ARID1B: variants seen among roughly 807,000 people sequenced by gnomAD.
The protein encoded by ARID1B is AT-rich interactive domain-containing protein 1B.
A neutral mutation model predicts 212.3 loss-of-function variants in ARID1B; 30 were observed. The ratio of observed to expected loss-of-function variants is 0.14; its 90% CI spans 0.11 to 0.19. The LOEUF (loss-of-function observed/expected upper bound fraction) is 0.19, where lower values mean the gene tolerates loss of function less well. Among genes scored for constraint, ARID1B ranks in the 10% least tolerant of loss-of-function variants. ARID1B has a pLI of 1.00. For synonymous variants in ARID1B, 1,402 were observed against 1,301.7 expected, an observed-to-expected ratio of 1.08 and a Z score of -1.66; for missense variants, 2,891 against 3,204.0, an observed-to-expected ratio of 0.90 and a Z score of 2.36.
At chr6:156,987,371 C>T (rs541312912) in intron 4 of ARID1B, among the ~76,000 whole-genome samples, 2 of 149,414 alleles carry the variant, frequency 1.3e-5, no homozygotes, top group South Asian at 4.2e-4. Flanking sequence ...TGCTCTGTCT[C>T]CCAGGCTGGA....
intron 3 of ARID1B, among the ~76,000 whole-genome samples, chr6:156,913,129 C>CT (rs1790035968): frequency 2.0e-5 from 3 of 149,910 alleles, no homozygotes; most frequent in African/African-American, 7.3e-5. Context: ...AGAGTGAGTA[C>CT]ATCTAGCTAA....
At chr6:157,018,571 T>C (rs1583155821) in intron 4 of ARID1B, among the ~76,000 whole-genome samples, 1 of 152,210 alleles carries the variant, frequency 6.6e-6, no homozygotes, top group South Asian at 2.1e-4. Flanking sequence ...TCAAAAATTA[T>C]TACCCATCTA....
rs2128357367 is a variant in ARID1B at position 157,196,291 on chromosome 6, C to T, written c.4358C>T (p.Pro1453Leu). ...NLGMGQRQQFPYGASYDRRHE... is the reference protein window; with the variant it reads ...NLGMGQRQQFLYGASYDRRHE... Reference sequence around the variant, plus strand: ...GGCATGGGGCAGCGCCAGCAGTTTCCCTATGGAGCCAGTTACGACCGAAGG... The same window carrying T: ...GGCATGGGGCAGCGCCAGCAGTTTCTCTATGGAGCCAGTTACGACCGAAGG... Residue 1453 changes from proline (P) to leucine (L), a missense_variant, in exon 16 of 20, where the codon CCC (proline) becomes CTC (leucine). By Grantham distance (98) the Pro-to-Leu change is moderately conservative. Around this residue, in one of 7 missense-constraint regions of ARID1B, gnomAD observed 666 missense variants for 873.5 expected, o/e 0.76. Transcript: ENST00000636930. 1 of 1,597,942 alleles carries T rather than the reference C, an allele frequency of 6.3e-7. No individual in the cohort carries two copies. The highest frequency in any genetic ancestry group is 8.5e-7 in the Non-Finnish European group (1 of 1,176,358).
chr6:157,164,198 T>C (rs558433879), intron 8 of ARID1B, among the ~76,000 whole-genome samples: 1 of 152,362 alleles, frequency 6.6e-6, no homozygotes, highest in South Asian at 2.1e-4. Flanking sequence ...GACCCCTGGC[T>C]TTTTAACCAA....
At chr6:156,874,595 C>G (rs565211477) in intron 2 of ARID1B, among the ~76,000 whole-genome samples, 1 of 152,312 alleles carries the variant, frequency 6.6e-6, no homozygotes, top group South Asian at 2.1e-4. Context: ...TGTGGCCTCT[C>G]TTTTGCATGG....
At chr6:156,811,027 C>A (rs985397697) in intron 1 of ARID1B, among the ~76,000 whole-genome samples, 1 of 152,112 alleles carries the variant, frequency 6.6e-6, no homozygotes, top group South Asian at 2.1e-4. Context: ...AGAGGCTTGA[C>A]TGGGGAAGGC....
intron 4 of ARID1B, among the ~76,000 whole-genome samples, chr6:157,081,170 T>G (rs567055924): frequency 6.6e-6 from 1 of 152,332 alleles, no homozygotes; most frequent in Non-Finnish European, 1.5e-5. Context: ...CCTGCCAGCT[T>G]TCCAGCAAGA....
chr6:156,854,278 G>A (rs578196007), intron 2 of ARID1B, among the ~76,000 whole-genome samples: 54 of 152,270 alleles, frequency 3.5e-4, no homozygotes, highest in African/African-American at 6.3e-4. Context: ...AGGAACGAAC[G>A]GAATTGCCAG....
chr6:156,872,196 A>C (rs1005479069), intron 2 of ARID1B, among the ~76,000 whole-genome samples: 1 of 152,192 alleles, frequency 6.6e-6, no homozygotes, highest in African/African-American at 2.4e-5. Flanking sequence ...AAGAATTGGG[A>C]TTAGTCGATG....
At chr6:156,842,662 A>G (rs1190548962) in intron 2 of ARID1B, among the ~76,000 whole-genome samples, 1 of 152,182 alleles carries the variant, frequency 6.6e-6, no homozygotes, top group East Asian at 1.9e-4. Context: ...GTAATTCTAT[A>G]TGTTAACTTT....
At chr6:156,862,633 C>T (rs1331005099) in intron 2 of ARID1B, among the ~76,000 whole-genome samples, 1 of 152,136 alleles carries the variant, frequency 6.6e-6, no homozygotes, top group Non-Finnish European at 1.5e-5. Context: ...AGCCTTCCTG[C>T]AGTGATTGAT....
chr6:157,054,209 G>A (rs1176456374), intron 4 of ARID1B, among the ~76,000 whole-genome samples: 1 of 107,196 alleles, frequency 9.3e-6, no homozygotes. Flanking sequence ...GGGCCACAGA[G>A]CAAGACTCTG....
rs1333673680 is a variant in ARID1B at position 156,779,100 on chromosome 6, A to G, written c.1420A>G (p.Ser474Gly). The G allele has an allele frequency of 1.6e-6, 2 of 1,230,386 alleles. No individual in the cohort carries two copies. Among genetic ancestry groups the G allele is most frequent in the Non-Finnish European group, 2.0e-6 (2 of 987,964 alleles). 76.2% of individuals were successfully genotyped at this position (1,230,386 alleles called of 1,614,324 possible). A position where few individuals can be genotyped will look rare whatever the true frequency, so the allele number is the denominator to read the frequency against. ...CGGGGGCGGCGGGGCCGCGAGCCTCAGCAAGGCGGCCGCCGGCTCGGCGGC... is the reference window on the plus strand; with the variant it reads ...CGGGGGCGGCGGGGCCGCGAGCCTCGGCAAGGCGGCCGCCGGCTCGGCGGC... ...GPGGGGAASL[S>G]KAAAGSAAGG... The change falls in exon 1 of 20, where the codon AGC (serine) becomes GGC (glycine). Residue 474 changes from serine to glycine, a missense_variant. Transcript: ENST00000636930.
intron 2 of ARID1B, among the ~76,000 whole-genome samples, chr6:156,862,264 C>T (rs982530013): frequency 4.6e-5 from 7 of 152,166 alleles, no homozygotes; most frequent in Non-Finnish European, 7.3e-5. Context: ...AACAAATAGC[C>T]GTGGTGTGCC....
chr6:156,954,392 C>G (rs964764021), intron 4 of ARID1B, among the ~76,000 whole-genome samples: 2 of 152,042 alleles, frequency 1.3e-5, no homozygotes, highest in Admixed American at 1.3e-4. Context: ...GCAATATGCT[C>G]TGACATAGTC....
Position 157,092,267 on chromosome 6 carries a change from C to T in ARID1B, c.2491+7362C>T, listed in dbSNP as rs528654037. Reference sequence around the variant, plus strand: ...TTGTATATTTTGTCTTTTTGAGAGACGGGGTTGCATCTCTGTATGGCTTAG... The same window carrying T: ...TTGTATATTTTGTCTTTTTGAGAGATGGGGTTGCATCTCTGTATGGCTTAG... On this transcript the variant is annotated intron_variant, in intron 5 of 19. Transcript: ENST00000636930. 9.9e-5 allele frequency among the ~76,000 whole-genome samples: 15 copies of T among 152,276 alleles called. No individual in the cohort carries two copies. The Middle Eastern group carries it at 0.014, about 138-fold the overall frequency.
intron 4 of ARID1B, among the ~76,000 whole-genome samples, chr6:156,980,798 A>T (rs1387932210): frequency 1.3e-5 from 2 of 152,192 alleles, no homozygotes; most frequent in Non-Finnish European, 1.5e-5. Context: ...TGTACCCAGG[A>T]GCTCAGATTT....
chr6:157,127,802 AAAAAC>A (rs1562641130), intron 6 of ARID1B, among the ~76,000 whole-genome samples: 21 of 144,896 alleles, frequency 1.4e-4, no homozygotes, highest in African/African-American at 5.0e-4. Context: ...AAAAAAAAAA[AAAAAC>A]AAAAATTAGC....
chr6:156,996,705 T>C (rs1409826611), intron 4 of ARID1B, among the ~76,000 whole-genome samples: 2 of 152,094 alleles, frequency 1.3e-5, no homozygotes, highest in African/African-American at 4.8e-5. Context: ...AAAAAAAGAA[T>C]GTGAATTTTA....
Sources: gnomAD v4.1 joint callset for allele counts (sites outside exome capture counted in the v4.1 genomes callset) on GRCh38, gnomAD v4.1.1 for gene constraint, gnomAD v4.1.1 regional missense constraint, MANE v1.5 for transcripts, NCBI Gene and HGNC (gene_info 2026-07-23, HGNC 2026-07-21) for gene names.